Variants in CDH12 observed in about 807,000 individuals in gnomAD.
CDH12 encodes the protein cadherin 12, also known as cadherin-12.
Under a neutral mutation model 74.1 loss-of-function variants are expected in CDH12, and 41 were observed. That is an observed-to-expected ratio of 0.55 (90% confidence interval 0.43 to 0.72). The LOEUF is 0.72. Among genes scored for constraint, CDH12 ranks in the 30% least tolerant of loss-of-function variants. The pLI, the probability that CDH12 is intolerant of heterozygous loss-of-function variation, is 0.00. For synonymous variants in CDH12, 399 were observed against 355.0 expected, an observed-to-expected ratio of 1.12 and a Z score of -1.39; for missense variants, 945 against 977.2, an observed-to-expected ratio of 0.97 and a Z score of 0.44.
intron 2 of CDH12, among the ~76,000 whole-genome samples, chr5:22,425,168 T>TAAAA (rs1561394242): frequency 0.015 from 1,801 of 118,636 alleles, 23 homozygotes; most frequent in Non-Finnish European, 0.022. Flanking sequence ...TATATATATA[T>TAAAA]ATAAATATAT....
intron 4 of CDH12, among the ~76,000 whole-genome samples, chr5:22,207,271 T>C (rs1264139305): frequency 2.0e-5 from 3 of 151,090 alleles, no homozygotes; most frequent in Non-Finnish European, 4.4e-5. Context: ...ATATTCATTA[T>C]GCTGATAATA....
intron 6 of CDH12, among the ~76,000 whole-genome samples, chr5:21,949,959 G>A (rs1755770135): frequency 6.6e-6 from 1 of 152,106 alleles, no homozygotes; most frequent in South Asian, 2.1e-4. Context: ...TGATGCCCTA[G>A]GCATTTACGC....
At position 22,535,304 on chromosome 5, in the gene CDH12, G is replaced by A. The variant is rs1163627620; in HGVS notation, c.-522-29940C>T. Among the ~76,000 whole-genome samples the A allele has an allele frequency of 3.3e-5, 5 of 151,806 alleles. No homozygotes were observed. In the East Asian group the frequency reaches 5.8e-4, roughly 18 times the overall value. The stretch of plus-strand genomic sequence containing the variant: ...CGAGTAGCTGGGACTACAGGCGCCC[G>A]CTACCACGCCCGGCTAATTTTTTTT... On this transcript the variant is annotated intron_variant, in intron 1 of 14. Transcript: ENST00000382254.
chr5:22,535,802 G>C (rs1257519495), intron 1 of CDH12, among the ~76,000 whole-genome samples: 1 of 152,152 alleles, frequency 6.6e-6, no homozygotes, highest in Non-Finnish European at 1.5e-5. Context: ...GTAACTATGG[G>C]GAGGGATTAT....
chr5:22,703,283 C>A (rs1230501118), intron 1 of CDH12, among the ~76,000 whole-genome samples: 4 of 152,116 alleles, frequency 2.6e-5, no homozygotes, highest in Admixed American at 1.3e-4. Flanking sequence ...CCACATCATG[C>A]TTATTTATCT....
intron 5 of CDH12, among the ~76,000 whole-genome samples, chr5:22,063,537 A>G (rs190395676): frequency 1.1e-4 from 16 of 152,126 alleles, no homozygotes; most frequent in Admixed American, 5.2e-4. Context: ...ACTTCCTTTG[A>G]GTCTTAATAG....
chr5:22,078,407 CT>C, intron 5 of CDH12, 38 bp downstream of exon 5: 6 of 1,575,238 alleles, frequency 3.8e-6, no homozygotes, highest in Non-Finnish European at 5.2e-6. Flanking sequence ...CATATTCCCC[CT>C]TCCTATCAAG....
chr5:22,210,690 A>G lies in CDH12; in HGVS notation c.-187+1808T>C, dbSNP rs951368056. 6.6e-4 allele frequency among the ~76,000 whole-genome samples: 101 copies of G among 151,988 alleles called. 1 individual carries two copies. The highest frequency in any genetic ancestry group is 2.4e-3 in the African/African-American group (99 of 41,400). On this transcript the variant is annotated intron_variant, in intron 4 of 14. Transcript: ENST00000382254. ...ACTTCAGTGGTCAATACATCCAACA[A>G]AAAAGTTCATTGGGTCTGATGCCAC...
rs537498185 is a variant in CDH12 at position 22,167,640 on chromosome 5, T to C, written c.-187+44858A>G. ...TCAAAGACATAATTTAAAACTATAA[T>C]TGTACTTTGATCCTTACAGATACTA... On this transcript the variant is annotated intron_variant, in intron 4 of 14. Transcript: ENST00000382254. Among the ~76,000 whole-genome samples, 4 of 152,302 alleles carry C rather than the reference T, an allele frequency of 2.6e-5. No homozygotes were observed. In the South Asian group the frequency reaches 6.2e-4, roughly 24 times the overall value.
At chr5:22,605,151 C>T (rs1242462005) in intron 1 of CDH12, among the ~76,000 whole-genome samples, 1 of 152,168 alleles carries the variant, frequency 6.6e-6, no homozygotes, top group Non-Finnish European at 1.5e-5. Context: ...AAAGTTGTGC[C>T]TACGGGAGCA....
At chr5:22,505,431 AT>A in intron 1 of CDH12, 67 bp from the exon 2 acceptor site, 1 of 557,814 alleles carries the variant, frequency 1.8e-6, no homozygotes, top group Non-Finnish European at 2.3e-6. Context: ...ATTTTAGAAT[AT>A]TTTTACATTT....
intron 1 of CDH12, among the ~76,000 whole-genome samples, chr5:22,602,780 T>G (rs1396106878): frequency 6.6e-6 from 1 of 152,174 alleles, no homozygotes; most frequent in Non-Finnish European, 1.5e-5. Context: ...TTTGGCATTT[T>G]GTGATGCCAG....
At chr5:21,984,052 G>A (rs1009704360) in intron 5 of CDH12, among the ~76,000 whole-genome samples, 2 of 152,040 alleles carry the variant, frequency 1.3e-5, no homozygotes, top group African/African-American at 2.4e-5. Context: ...TTGAGTCTTC[G>A]CCATTCATAA....
At position 22,190,554 on chromosome 5, in the gene CDH12, A is replaced by T. The variant is rs191911403; in HGVS notation, c.-187+21944T>A. On this transcript the variant is annotated intron_variant, in intron 4 of 14. Transcript: ENST00000382254. ...AATACATAGAAACAAACTGAAGTTG[A>T]CCCCTCTCCCTTCTCTTGTCTACAA... Among the ~76,000 whole-genome samples, 99 of 152,096 alleles carry T rather than the reference A, an allele frequency of 6.5e-4. 1 individual carries two copies. The highest frequency in any genetic ancestry group is 6.8e-3 in the Middle Eastern group (2 of 292).
intron 1 of CDH12, among the ~76,000 whole-genome samples, chr5:22,544,026 T>C (rs1738211487): frequency 1.3e-5 from 2 of 152,170 alleles, no homozygotes; most frequent in South Asian, 2.1e-4. Flanking sequence ...TCAAAAGATA[T>C]ATAGATGTGG....
intron 3 of CDH12, among the ~76,000 whole-genome samples, chr5:22,244,780 GA>G (rs754786187): frequency 8.1e-6 from 1 of 124,128 alleles, no homozygotes; most frequent in African/African-American, 3.0e-5. Context: ...AAGAAAGAAA[GA>G]AAGAAAGAAA....
rs537031599 is a variant in CDH12 at position 22,229,505 on chromosome 5, G to A, written c.-332-16862C>T. Among the ~76,000 whole-genome samples the A allele has an allele frequency of 9.8e-4, 147 of 150,082 alleles. 1 individual carries two copies. Among genetic ancestry groups the A allele is most frequent in the Admixed American group, 1.9e-3 (29 of 15,034 alleles). On this transcript the variant is annotated intron_variant, in intron 3 of 14. Transcript: ENST00000382254. ...GGCATAATGCTGAAAAGGCACAAAA[G>A]TAAATTCAAATCATGGAAATTAGAT...
chr5:22,821,963 G>C (rs374142790), intron 1 of CDH12, among the ~76,000 whole-genome samples: 2 of 151,448 alleles, frequency 1.3e-5, no homozygotes, highest in Admixed American at 1.3e-4. Context: ...GAGGCATCAC[G>C]CTACCTGACT....
At chr5:22,569,924 T>C (rs1002881958) in intron 1 of CDH12, among the ~76,000 whole-genome samples, 6 of 152,210 alleles carry the variant, frequency 3.9e-5, no homozygotes, top group African/African-American at 1.4e-4. Flanking sequence ...ATATTCTTAA[T>C]GACATCAACA....
Sources: gnomAD v4.1 joint callset for allele counts (sites outside exome capture counted in the v4.1 genomes callset) on GRCh38, gnomAD v4.1.1 for gene constraint, MANE v1.5 for transcripts, NCBI Gene and HGNC (gene_info 2026-07-23, HGNC 2026-07-21) for gene names.